Variants in FAR2 observed in about 807,000 individuals in gnomAD.
The protein encoded by FAR2 is fatty acyl-CoA reductase 2.
A neutral mutation model predicts 56.0 loss-of-function variants in FAR2; 19 were observed. The observed-to-expected ratio is 0.34, with a 90% CI of 0.24 to 0.50. The LOEUF is 0.50. Ranked by LOEUF, FAR2 falls within the 20% of genes least tolerant of loss-of-function variation. The pLI, the probability that FAR2 is intolerant of heterozygous loss-of-function variation, is 0.98. For missense variants in FAR2, 508 were observed against 642.2 expected, an observed-to-expected ratio of 0.79 and a Z score of 2.26; for synonymous variants, 219 against 218.8, an observed-to-expected ratio of 1.00 and a Z score of -0.01.
At chr12:29,278,754 C>A (rs144862230) in intron 2 of FAR2, among the ~76,000 whole-genome samples, 168 of 152,252 alleles carry the variant, frequency 1.1e-3, no homozygotes, top group African/African-American at 3.8e-3. Context: ...TTACAGAAAG[C>A]TAGCTTTGTG....
intron 2 of FAR2, chr12:29,292,204 T>C (rs1948980126): frequency 6.6e-6 from 1 of 152,146 alleles, no homozygotes; most frequent in South Asian, 2.1e-4. Context: ...AATCTAAATA[T>C]GACTACTTAC....
Position 29,334,017 on chromosome 12 carries a change from A to T in FAR2, c.*223A>T. 2.6e-6 allele frequency: 1 copy of T among 391,736 alleles called. No individual in the cohort carries two copies. The highest frequency in any genetic ancestry group is 4.5e-6 in the Non-Finnish European group (1 of 221,654). 24.3% of individuals were successfully genotyped at this position (391,736 alleles called of 1,614,324 possible). On this transcript the variant is annotated 3_prime_UTR_variant, in exon 12 of 12. Transcript: ENST00000536681. Reference sequence around the variant, plus strand: ...CTATATTTTAGGGAAAAAAATCCAAATTGTTTCCTAACATTCTATTTTATG... The same window carrying T: ...CTATATTTTAGGGAAAAAAATCCAATTTGTTTCCTAACATTCTATTTTATG...
intron 1 of FAR2, among the ~76,000 whole-genome samples, chr12:29,186,367 C>T (rs1418646357): frequency 6.6e-6 from 1 of 152,134 alleles, no homozygotes; most frequent in African/African-American, 2.4e-5. Flanking sequence ...CAGCTGACTC[C>T]GTCTACTGTT....
intron 2 of FAR2, among the ~76,000 whole-genome samples, chr12:29,273,985 TGA>T (rs1948662047): frequency 6.6e-6 from 1 of 152,170 alleles, no homozygotes. Flanking sequence ...TCAATTTTGA[TGA>T]GAGAACCTGG....
chr12:29,333,686 C>T lies in FAR2; in HGVS notation c.1440C>T (p.Arg480=), dbSNP rs1949762733. 6.2e-7 allele frequency: 1 copy of T among 1,613,860 alleles called. No homozygotes were observed. The highest frequency in any genetic ancestry group is 1.1e-5 in the South Asian group (1 of 91,058). The change falls in exon 12 of 12, where the codon CGC becomes CGT. Residue 480 remains arginine (R), a synonymous_variant. Transcript: ENST00000536681. ...FNTALFLIAW[R]LLIARSQMAR... Reference sequence around the variant, plus strand: ...CTGCCCTCTTCCTTATCGCCTGGCGCCTTCTCATTGCAAGATCTCAGATGG... The same window carrying T: ...CTGCCCTCTTCCTTATCGCCTGGCGTCTTCTCATTGCAAGATCTCAGATGG...
intron 2 of FAR2, among the ~76,000 whole-genome samples, chr12:29,285,197 GT>G (rs1421499241): frequency 2.5e-5 from 2 of 80,220 alleles, no homozygotes; most frequent in Non-Finnish European, 4.8e-5. Flanking sequence ...AAAAAAAAGT[GT>G]GTTCATGCTT....
rs1253144255 is a variant in FAR2 at position 29,308,707 on chromosome 12, C to CATATAT, written c.724-478_724-477insTATATA. Reference sequence around the variant, plus strand: ...ACACACAGACACACACACACACACACACACACACACACATATATATATATA... The same window carrying CATATAT: ...ACACACAGACACACACACACACACACATATATACACACACACACATATATATATATA... On this transcript the variant is annotated intron_variant, in intron 5 of 11. Coordinates refer to ENST00000536681, the MANE Select transcript of FAR2 (RefSeq NM_001271783.2). Among the ~76,000 whole-genome samples, 401 of 136,952 alleles carry CATATAT rather than the reference C, an allele frequency of 2.9e-3. 12 individuals are homozygous for CATATAT. The highest frequency in any genetic ancestry group is 0.01 in the African/African-American group (312 of 30,742). The allele number at this position is 136,952 out of a possible 152,430, so 89.8% of individuals were successfully genotyped here.
intron 4 of FAR2, among the ~76,000 whole-genome samples, chr12:29,301,169 A>G (rs1316643792): frequency 6.6e-6 from 1 of 152,238 alleles, no homozygotes; most frequent in Non-Finnish European, 1.5e-5. Flanking sequence ...ACTTTAGCAC[A>G]TTAGCAGAAA....
chr12:29,150,922 A>G (rs1419575031), intron 1 of FAR2, among the ~76,000 whole-genome samples: 2 of 152,256 alleles, frequency 1.3e-5, no homozygotes, highest in Non-Finnish European at 2.9e-5. Flanking sequence ...ATTAAAGTAA[A>G]TGAAAATATG....
intron 9 of FAR2, among the ~76,000 whole-genome samples, chr12:29,320,291 C>A (rs1445239460): frequency 1.3e-5 from 2 of 152,188 alleles, no homozygotes; most frequent in African/African-American, 4.8e-5. Flanking sequence ...TAGTTCTGTA[C>A]ATCCAATGAT....
intron 1 of FAR2, among the ~76,000 whole-genome samples, chr12:29,267,082 T>A (rs964958921): frequency 6.6e-6 from 1 of 152,176 alleles, no homozygotes; most frequent in East Asian, 1.9e-4. Context: ...TACCTCAACA[T>A]TTTTAAAGAA....
At chr12:29,183,776 C>T (rs1286035977) in intron 1 of FAR2, among the ~76,000 whole-genome samples, 1 of 152,130 alleles carries the variant, frequency 6.6e-6, no homozygotes, top group African/African-American at 2.4e-5. Flanking sequence ...TAGCATTTTA[C>T]CTTGGTTTTT....
At chr12:29,299,591 A>T (rs1199324302) in intron 4 of FAR2, among the ~76,000 whole-genome samples, 1 of 152,260 alleles carries the variant, frequency 6.6e-6, no homozygotes, top group Non-Finnish European at 1.5e-5. Flanking sequence ...TTTTATCTCA[A>T]CAGATAAATT....
intron 5 of FAR2, among the ~76,000 whole-genome samples, chr12:29,308,246 A>T (rs1949285178): frequency 6.6e-6 from 1 of 152,074 alleles, no homozygotes; most frequent in Non-Finnish European, 1.5e-5. Context: ...AGGAATACTA[A>T]TTTTTTTTAA....
chr12:29,244,966 A>G (rs1591885801), intron 1 of FAR2, among the ~76,000 whole-genome samples: 1 of 149,756 alleles, frequency 6.7e-6, no homozygotes, highest in Non-Finnish European at 1.5e-5. Flanking sequence ...ACTGTAAAAC[A>G]CGCCAGTTTC....
At chr12:29,237,114 T>C (rs1235593060) in intron 1 of FAR2, among the ~76,000 whole-genome samples, 1 of 152,152 alleles carries the variant, frequency 6.6e-6, no homozygotes, top group Non-Finnish European at 1.5e-5. Flanking sequence ...TAATGAGTTC[T>C]ACACCCAAAC....
intron 1 of FAR2, among the ~76,000 whole-genome samples, chr12:29,200,460 C>T (rs558394036): frequency 6.6e-6 from 1 of 152,130 alleles, no homozygotes; most frequent in Non-Finnish European, 1.5e-5. Context: ...TGAAAGTATT[C>T]GACAATCAGT....
chr12:29,221,423 T>G (rs1333627348), intron 1 of FAR2, among the ~76,000 whole-genome samples: 1 of 152,140 alleles, frequency 6.6e-6, no homozygotes, highest in Non-Finnish European at 1.5e-5. Context: ...CTCTTCCCTG[T>G]CTCCCAGTTA....
At chr12:29,292,935 CTTTA>C (rs753724582) in intron 2 of FAR2, 129 of 155,680 alleles carry the variant, frequency 8.3e-4, no homozygotes, top group Middle Eastern at 3.2e-3. Context: ...CCAGAAAGAT[CTTTA>C]ACAGTTTTTC....
Sources: gnomAD v4.1 joint callset for allele counts (sites outside exome capture counted in the v4.1 genomes callset) on GRCh38, gnomAD v4.1.1 for gene constraint, MANE v1.5 for transcripts, NCBI Gene and HGNC (gene_info 2026-07-23, HGNC 2026-07-21) for gene names.